SLC30A8: variants seen among roughly 807,000 people sequenced by gnomAD.
The protein encoded by SLC30A8 is proton-coupled zinc antiporter SLC30A8.
SLC30A8 carries 27 observed loss-of-function variants against 36.9 expected under a neutral mutation model. That is an observed-to-expected ratio of 0.73 (90% CI 0.54 to 1.01). The LOEUF (loss-of-function observed/expected upper bound fraction) is 1.01. Among genes scored for constraint, SLC30A8 ranks in the 50% least tolerant of loss-of-function variants. The probability of loss-of-function intolerance (pLI) is 0.00; values close to 1 mark genes in which losing one functional copy is unlikely to be tolerated. For missense variants in SLC30A8, 439 were observed against 452.0 expected (o/e 0.97, Z 0.26); for synonymous variants, 164 against 172.4 (o/e 0.95, Z 0.38).
chr8:116,991,955 GGT>G (rs1441975236), intron 1 of SLC30A8, among the ~76,000 whole-genome samples: 1 of 152,016 alleles, frequency 6.6e-6, no homozygotes, highest in Non-Finnish European at 1.5e-5. Context: ...TGCAGTGCAG[GGT>G]CTACATCCAA....
chr8:117,158,843 C>G (rs1257498258), intron 4 of SLC30A8, among the ~76,000 whole-genome samples: 1 of 152,146 alleles, frequency 6.6e-6, no homozygotes, highest in African/African-American at 2.4e-5. Context: ...GACCCATTCT[C>G]CTAAAAAGCT....
intron 2 of SLC30A8, among the ~76,000 whole-genome samples, chr8:117,123,549 C>T (rs951336925): frequency 1.3e-5 from 2 of 151,876 alleles, no homozygotes; most frequent in Non-Finnish European, 2.9e-5. Flanking sequence ...AAGAGTAATA[C>T]AAAAGTTTCA....
chr8:117,117,368 T>C (rs1330817576), intron 2 of SLC30A8, among the ~76,000 whole-genome samples: 1 of 152,018 alleles, frequency 6.6e-6, no homozygotes, highest in African/African-American at 2.4e-5. Flanking sequence ...GAGTTCTGAA[T>C]ATGTAACATC....
At chr8:117,053,219 G>A (rs565707957) in intron 2 of SLC30A8, among the ~76,000 whole-genome samples, 1 of 152,288 alleles carries the variant, frequency 6.6e-6, no homozygotes, top group South Asian at 2.1e-4. Flanking sequence ...GTGAGCCACC[G>A]TGTCTGGCTG....
chr8:117,038,701 C>T (rs1157209168), intron 1 of SLC30A8, among the ~76,000 whole-genome samples: 1 of 152,150 alleles, frequency 6.6e-6, no homozygotes, highest in Non-Finnish European at 1.5e-5. Flanking sequence ...TAAAATCGTA[C>T]TCTAGAAATG....
At chr8:117,121,911 C>G (rs578072072) in intron 2 of SLC30A8, among the ~76,000 whole-genome samples, 1 of 151,848 alleles carries the variant, frequency 6.6e-6, no homozygotes, top group South Asian at 2.1e-4. Context: ...TTCTAAAGAC[C>G]TAAACATTGT....
chr8:117,065,630 C>T lies in SLC30A8; in HGVS notation c.-226+26372C>T, dbSNP rs114155763. Among the ~76,000 whole-genome samples, 548 of 152,152 alleles carry T rather than the reference C, an allele frequency of 3.6e-3. 9 individuals are homozygous for T. The highest frequency in any genetic ancestry group is 0.012 in the African/African-American group (507 of 41,502). On this transcript the variant is annotated intron_variant, in intron 2 of 10. Transcript: ENST00000427715. The stretch of plus-strand genomic sequence containing the variant: ...TATCTCCGCTCATGGTGACTTTACA[C>T]GGTCTCTGTGGGAGCAGCCATTTTG...
At chr8:117,016,899 A>G (rs1238894675) in intron 1 of SLC30A8, among the ~76,000 whole-genome samples, 1 of 152,112 alleles carries the variant, frequency 6.6e-6, no homozygotes, top group Admixed American at 6.6e-5. Flanking sequence ...TATATTTCTA[A>G]TTCACGTTAT....
chr8:117,110,307 GCTTT>G (rs1314622354), intron 2 of SLC30A8, among the ~76,000 whole-genome samples: 1 of 152,022 alleles, frequency 6.6e-6, no homozygotes, highest in African/African-American at 2.4e-5. Flanking sequence ...CTAACATCGT[GCTTT>G]CTGTCACTTT....
chr8:117,171,216 G>A, intron 7 of SLC30A8, 48 bp downstream of exon 7: 3 of 1,587,064 alleles, frequency 1.9e-6, no homozygotes, highest in East Asian at 2.2e-5. Context: ...TCCTTGTCCT[G>A]TAAAGTCAGT....
chr8:117,114,069 T>C (rs146961064), intron 2 of SLC30A8, among the ~76,000 whole-genome samples: 1 of 152,200 alleles, frequency 6.6e-6, no homozygotes, highest in East Asian at 1.9e-4. Context: ...TACTGGAAAA[T>C]GATGACCTGG....
intron 2 of SLC30A8, among the ~76,000 whole-genome samples, chr8:117,088,887 C>G (rs1818991237): frequency 6.6e-6 from 1 of 152,164 alleles, no homozygotes; most frequent in Non-Finnish European, 1.5e-5. Flanking sequence ...CTGGAGGTAG[C>G]ACATGAATGT....
At chr8:117,120,829 C>A (rs73317604) in intron 2 of SLC30A8, among the ~76,000 whole-genome samples, 1 of 151,620 alleles carries the variant, frequency 6.6e-6, no homozygotes, top group Middle Eastern at 3.2e-3. Context: ...AGGGCTTGAA[C>A]AGACATTTCT....
intron 1 of SLC30A8, among the ~76,000 whole-genome samples, chr8:117,016,608 C>T (rs1816528523): frequency 6.6e-6 from 1 of 152,182 alleles, no homozygotes; most frequent in Non-Finnish European, 1.5e-5. Context: ...GTCATCATTT[C>T]AGCAGAGAAT....
chr8:117,153,041 G>A lies in SLC30A8; in HGVS notation c.369G>A (p.Leu123=). 6.2e-7 allele frequency: 1 copy of A among 1,613,270 alleles called. No individual in the cohort carries two copies. The highest frequency in any genetic ancestry group is 2.2e-5 in the East Asian group (1 of 44,854). ...SFLLSLFSLW[L]SSKPPSKRLT... ...TGCTCAGTCTCTTCTCCCTGTGGTTGTCATCGAAGCCTCCCTCTAAGCGGC... is the reference window on the plus strand; with the variant it reads ...TGCTCAGTCTCTTCTCCCTGTGGTTATCATCGAAGCCTCCCTCTAAGCGGC... Residue 123 remains leucine, a synonymous_variant, in exon 3 of 8, where the codon TTG becomes TTA. Transcript: ENST00000456015.
intron 6 of SLC30A8, among the ~76,000 whole-genome samples, chr8:117,170,172 C>A (rs1168440080): frequency 6.6e-6 from 1 of 152,130 alleles, no homozygotes; most frequent in Non-Finnish European, 1.5e-5. Context: ...ACTTAGTCAT[C>A]AGGATTTCTA....
At chr8:117,020,489 A>C (rs1258289370) in intron 1 of SLC30A8, among the ~76,000 whole-genome samples, 1 of 152,186 alleles carries the variant, frequency 6.6e-6, no homozygotes, top group African/African-American at 2.4e-5. Context: ...AGTTAAACAT[A>C]TACATAGTTC....
chr8:116,992,916 A>G lies in SLC30A8; in HGVS notation c.-266+41797A>G, dbSNP rs117359169. On this transcript the variant is annotated intron_variant, in intron 1 of 10. Transcript: ENST00000427715. ...GCTTTTTCTCTGACAGAGTTTTCCA[A>G]TTTGCAGCACAAGAATACAGAGCCT... 3.8e-3 allele frequency among the ~76,000 whole-genome samples: 583 copies of G among 152,274 alleles called. 5 individuals are homozygous for G. The highest frequency in any genetic ancestry group is 0.021 in the South Asian group (99 of 4,814).
At chr8:117,082,245 T>C (rs2130813114) in intron 2 of SLC30A8, among the ~76,000 whole-genome samples, 1 of 152,316 alleles carries the variant, frequency 6.6e-6, no homozygotes, top group African/African-American at 2.4e-5. Flanking sequence ...TTAATTATAA[T>C]TGGTCTAGGT....
Sources: gnomAD v4.1 joint callset for allele counts (sites outside exome capture counted in the v4.1 genomes callset) on GRCh38, gnomAD v4.1.1 for gene constraint, MANE v1.5 for transcripts, NCBI Gene and HGNC (gene_info 2026-07-23, HGNC 2026-07-21) for gene names.